The following SHROOM2 variants were observed in gnomAD, a reference collection of about 807,000 sequenced individuals.
The protein encoded by SHROOM2 is protein Shroom2.
A neutral mutation model predicts 75.9 loss-of-function variants in SHROOM2; 33 were observed. The observed-to-expected ratio is 0.43, with a 90% CI of 0.33 to 0.58. The LOEUF is 0.58. Among genes scored for constraint, SHROOM2 ranks in the 20% least tolerant of loss-of-function variants. SHROOM2 has a pLI of 0.04. For synonymous variants in SHROOM2, 655 were observed against 663.6 expected, an observed-to-expected ratio of 0.99 and a Z score of 0.20; for missense variants, 1,434 against 1,461.2, an observed-to-expected ratio of 0.98 and a Z score of 0.30.
intron 5 of SHROOM2, among the ~76,000 whole-genome samples, chrX:9,930,623 G>T (rs1370018741): frequency 8.9e-6 from 1 of 112,093 alleles, no homozygotes. Flanking sequence ...CATCTGACCT[G>T]TGAGAGCGCT....
chrX:9,921,701 C>A (rs1435710000), intron 5 of SHROOM2, among the ~76,000 whole-genome samples: 1 of 112,211 alleles, frequency 8.9e-6, no homozygotes, highest in Non-Finnish European at 1.9e-5. Context: ...CCATGTAGCA[C>A]TTGTCTTTCT....
At chrX:9,925,391 C>T (rs910585536) in intron 5 of SHROOM2, among the ~76,000 whole-genome samples, 1 of 112,944 alleles carries the variant, frequency 8.9e-6, no homozygotes, top group African/African-American at 3.2e-5. Context: ...AAGGGCAGAC[C>T]AGCTACCTGT....
At chrX:9,832,988 A>G (rs2083924172) in intron 1 of SHROOM2, among the ~76,000 whole-genome samples, 1 of 111,483 alleles carries the variant, frequency 9.0e-6, no homozygotes, top group Non-Finnish European at 1.9e-5. Context: ...GGGCAGTCAC[A>G]GAGGGGAGAT....
chrX:9,914,795 G>C (rs770250862), intron 5 of SHROOM2, among the ~76,000 whole-genome samples: 2 of 112,232 alleles, frequency 1.8e-5, no homozygotes, highest in Non-Finnish European at 3.8e-5. Flanking sequence ...TTAGTGAAGA[G>C]CCCTCGTGGG....
At chrX:9,859,147 G>A (rs1371944282) in intron 1 of SHROOM2, among the ~76,000 whole-genome samples, 1 of 111,820 alleles carries the variant, frequency 8.9e-6, no homozygotes, top group African/African-American at 3.2e-5. Flanking sequence ...CCTGGGAGGT[G>A]GAGGTTGCAG....
At chrX:9,911,181 C>G (rs954363919) in intron 5 of SHROOM2, among the ~76,000 whole-genome samples, 1 of 111,662 alleles carries the variant, frequency 9.0e-6, no homozygotes, top group Non-Finnish European at 1.9e-5. Flanking sequence ...GTTGAAGACA[C>G]AGGCTGGAAT....
At chrX:9,813,846 G>C (rs1030025095) in intron 1 of SHROOM2, among the ~76,000 whole-genome samples, 1 of 112,066 alleles carries the variant, frequency 8.9e-6, no homozygotes, top group Admixed American at 9.5e-5. Context: ...TGCCTCTGCT[G>C]TCCATTATGG....
chrX:9,828,101 G>A lies in SHROOM2; in HGVS notation c.165+41391G>A, dbSNP rs149402806. On this transcript the variant is annotated intron_variant, in intron 1 of 9. Transcript: ENST00000380913. ...GCCGGGAAGGCCTCAGGAAACTTAC[G>A]ATCATGGTGGAAGGGGAATACGCAC... Among the ~76,000 whole-genome samples, 1,107 of 112,716 alleles carry A rather than the reference G, an allele frequency of 9.8e-3. 7 individuals carry two copies. Among genetic ancestry groups the A allele is most frequent in the Non-Finnish European group, 0.017 (891 of 53,296 alleles).
intron 5 of SHROOM2, chrX:9,912,600 G>A (rs1389368747): frequency 3.6e-5 from 4 of 111,785 alleles, no homozygotes; most frequent in East Asian, 5.6e-4. Flanking sequence ...AAGCAGAGCC[G>A]GGTAAGGGAC....
chrX:9,936,521 C>T (rs182611188), intron 6 of SHROOM2, among the ~76,000 whole-genome samples: 9 of 112,101 alleles, frequency 8.0e-5, no homozygotes, highest in East Asian at 2.8e-4. Context: ...ATCTGTGCAA[C>T]GCTAGCTTGA....
intron 1 of SHROOM2, among the ~76,000 whole-genome samples, chrX:9,792,018 AT>A (rs761446171): frequency 0.5 from 1,049 of 2,085 alleles, 94 homozygotes; most frequent in Admixed American, 0.6. Flanking sequence ...ATAGAATAGA[AT>A]AGAATAGAAT....
chrX:9,812,925 C>T (rs1429326810), intron 1 of SHROOM2, among the ~76,000 whole-genome samples: 1 of 112,363 alleles, frequency 8.9e-6, no homozygotes, highest in Non-Finnish European at 1.9e-5. Context: ...AGTGAAACCA[C>T]ATCTGGTACA....
chrX:9,855,072 T>TAAA (rs1161845672), intron 1 of SHROOM2, among the ~76,000 whole-genome samples: 1 of 94,585 alleles, frequency 1.1e-5, no homozygotes, highest in African/African-American at 3.8e-5. Context: ...CCACTCTTTT[T>TAAA]AAAAAAAAAA....
intron 1 of SHROOM2, among the ~76,000 whole-genome samples, chrX:9,806,924 A>G (rs1327368646): frequency 4.5e-5 from 5 of 111,442 alleles, no homozygotes; most frequent in Non-Finnish European, 9.4e-5. Context: ...GGCTTTCACC[A>G]TGTTAGCCAG....
Position 9,896,076 on chromosome X carries a change from C to T in SHROOM2, c.2168C>T (p.Thr723Ile). 8.3e-7 allele frequency: 1 copy of T among 1,210,339 alleles called. No homozygotes were observed. The highest frequency in any genetic ancestry group is 1.1e-6 in the Non-Finnish European group (1 of 895,110). Residue 723 changes from threonine to isoleucine, a missense_variant, in exon 4 of 10, where the codon ACT becomes ATT. Coordinates refer to ENST00000380913, the MANE Select transcript of SHROOM2 (RefSeq NM_001649.4). ...SLEHRMGDPDTVPHFWEAGLA... is the reference protein window; with the variant it reads ...SLEHRMGDPDIVPHFWEAGLA... ...GAACACCGGATGGGGGATCCAGACACTGTCCCCCACTTCTGGGAGGCAGGC... is the reference window on the plus strand; with the variant it reads ...GAACACCGGATGGGGGATCCAGACATTGTCCCCCACTTCTGGGAGGCAGGC...
At chrX:9,900,497 T>C (rs1173126740) in intron 5 of SHROOM2, among the ~76,000 whole-genome samples, 2 of 112,293 alleles carry the variant, frequency 1.8e-5, no homozygotes, top group African/African-American at 6.5e-5. Flanking sequence ...TGATAATCGA[T>C]GCGTAGCAAA....
chrX:9,853,706 G>C (rs1197297401), intron 1 of SHROOM2, among the ~76,000 whole-genome samples: 1 of 112,105 alleles, frequency 8.9e-6, no homozygotes, highest in Non-Finnish European at 1.9e-5. Context: ...CACCTCCAAT[G>C]ATCCTATTTC....
chrX:9,886,526 C>T (rs1206540172), intron 2 of SHROOM2, among the ~76,000 whole-genome samples: 2 of 112,039 alleles, frequency 1.8e-5, no homozygotes, highest in Non-Finnish European at 3.8e-5. Flanking sequence ...GTATTCACAT[C>T]ATACAACCAA....
At position 9,947,083 on chromosome X, in the gene SHROOM2, T is replaced by C; in HGVS notation, c.*146T>C. ...GAGGCTGTTATAAAAGCAATAACTT[T>C]TGTGTTTGTGTGGGATGATTTATTT... is the stretch of plus-strand genomic sequence containing the variant. On this transcript the variant is annotated 3_prime_UTR_variant, in exon 10 of 10. Coordinates refer to ENST00000380913, the MANE Select transcript of SHROOM2 (RefSeq NM_001649.4). 1.7e-6 allele frequency: 1 copy of C among 594,731 alleles called. No homozygotes were observed. Among genetic ancestry groups the C allele is most frequent in the Non-Finnish European group, 2.6e-6 (1 of 388,290 alleles). 49.0% of individuals were successfully genotyped at this position (594,731 alleles called of 1,213,427 possible). A position where few individuals can be genotyped will look rare whatever the true frequency, so the allele number is the denominator to read the frequency against.
Sources: allele counts gnomAD v4.1 joint callset (sites outside exome capture counted in the v4.1 genomes callset), GRCh38; gene constraint gnomAD v4.1.1; transcripts MANE v1.5; gene names NCBI Gene and HGNC (gene_info 2026-07-23, HGNC 2026-07-21).